CNTN5: variants seen among roughly 807,000 people sequenced by gnomAD.
The protein encoded by CNTN5 is contactin 5.
In CNTN5, 77 loss-of-function variants were observed where a neutral mutation model predicts 129.1. That is an observed-to-expected ratio of 0.60 (90% CI 0.50 to 0.72). CNTN5 has a LOEUF of 0.72. Ranked by LOEUF, CNTN5 falls within the 30% of genes least tolerant of loss-of-function variation. The pLI is 0.00. For synonymous variants in CNTN5, 509 were observed against 465.6 expected (o/e 1.09, Z -1.20); for missense variants, 1,478 against 1,328.8 (o/e 1.11, Z -1.75).
intron 3 of CNTN5, among the ~76,000 whole-genome samples, chr11:99,616,595 T>C (rs1950767251): frequency 6.6e-6 from 1 of 152,186 alleles, no homozygotes; most frequent in South Asian, 2.1e-4. Flanking sequence ...GATAATAGGC[T>C]ATTATATAGC....
chr11:99,556,255 C>A lies in CNTN5; in HGVS notation c.41C>A (p.Thr14Asn). Residue 14 changes from threonine to asparagine, a missense_variant, in exon 3 of 25, where the codon ACC (threonine) becomes AAC (asparagine). By Grantham distance (65) the Thr-to-Asn change is moderately conservative. Transcript: ENST00000524871. ...AAACTAATGCTGTTTCTGTCAGTCA[C>A]CATGTGTCTTTCAGGTAAAAGTCCT... ...SWKLMLFLSV[T>N]MCLSEYSKSL... 1.3e-6 allele frequency: 2 copies of A among 1,525,844 alleles called. No homozygotes were observed. The highest frequency in any genetic ancestry group is 1.8e-6 in the Non-Finnish European group (2 of 1,130,206). The allele number at this position is 1,525,844 out of a possible 1,614,324, so 94.5% of individuals were successfully genotyped here.
chr11:99,125,037 TA>T (rs888442014), intron 1 of CNTN5, among the ~76,000 whole-genome samples: 26 of 151,116 alleles, frequency 1.7e-4, no homozygotes, highest in African/African-American at 6.3e-4. Context: ...TAGAGATGTA[TA>T]AAAAAAAGCT....
chr11:99,528,360 G>C (rs1036303992), intron 2 of CNTN5, among the ~76,000 whole-genome samples: 1 of 152,178 alleles, frequency 6.6e-6, no homozygotes, highest in South Asian at 2.1e-4. Context: ...TTACGAGCAC[G>C]TGAATTGTAT....
At chr11:100,206,852 T>C (rs373018374) in intron 15 of CNTN5, among the ~76,000 whole-genome samples, 1 of 152,050 alleles carries the variant, frequency 6.6e-6, no homozygotes, top group South Asian at 2.1e-4. Context: ...GCCTGGCAGA[T>C]ATATTTGCTA....
rs556433685 is a variant in CNTN5, at chr11:99,734,840, C to T, written c.56-84704C>T. 6.6e-5 allele frequency among the ~76,000 whole-genome samples: 10 copies of T among 152,176 alleles called. No homozygotes were observed. The South Asian group carries it at 1.2e-3, about 19-fold the overall frequency. On this transcript the variant is annotated intron_variant, in intron 3 of 24. Coordinates refer to ENST00000524871, the MANE Select transcript of CNTN5 (RefSeq NM_014361.4). ...TGGGTAACCCCGTGAAACCCCGTCT[C>T]TACTAAAAATACAAAAAATTAGCCC...
At chr11:99,937,344 T>C (rs1950337375) in intron 7 of CNTN5, among the ~76,000 whole-genome samples, 1 of 152,124 alleles carries the variant, frequency 6.6e-6, no homozygotes, top group Admixed American at 6.5e-5. Context: ...TCTTACACAT[T>C]GCAAAAAGGC....
intron 2 of CNTN5, among the ~76,000 whole-genome samples, chr11:99,346,531 C>A (rs895591662): frequency 2.6e-5 from 4 of 152,172 alleles, no homozygotes; most frequent in Admixed American, 6.5e-5. Flanking sequence ...GGTGTCAGCT[C>A]TCCCACAAGG....
chr11:99,780,717 T>A lies in CNTN5; in HGVS notation c.56-38827T>A, dbSNP rs186094380. On this transcript the variant is annotated intron_variant, in intron 3 of 24. Coordinates refer to ENST00000524871, the MANE Select transcript of CNTN5 (RefSeq NM_014361.4). ...TACTTCAAAGTGTTTAATCCTTACC[T>A]TCAAATCTAGAGTAAAATTACGCTT... is the stretch of plus-strand genomic sequence containing the variant. Among the ~76,000 whole-genome samples the A allele has an allele frequency of 1.7e-3, 263 of 152,226 alleles. 1 individual carries two copies. Among genetic ancestry groups the A allele is most frequent in the African/African-American group, 6.1e-3 (253 of 41,578 alleles).
intron 3 of CNTN5, among the ~76,000 whole-genome samples, chr11:99,719,351 G>C (rs1427067474): frequency 6.6e-6 from 1 of 151,722 alleles, no homozygotes; most frequent in East Asian, 2.0e-4. Context: ...TAACATAATA[G>C]AGGATCTTAT....
intron 16 of CNTN5, among the ~76,000 whole-genome samples, chr11:100,244,627 C>A (rs1949806921): frequency 6.6e-6 from 1 of 152,094 alleles, no homozygotes; most frequent in Non-Finnish European, 1.5e-5. Context: ...GATGTTTTTG[C>A]TCTAAAATTC....
intron 21 of CNTN5, among the ~76,000 whole-genome samples, chr11:100,339,027 GA>G (rs2139008837): frequency 6.6e-6 from 1 of 151,814 alleles, no homozygotes; most frequent in South Asian, 2.1e-4. Context: ...CAACTGACAG[GA>G]GCAAGCTCTG....
chr11:100,307,780 A>AAAT (rs200569531), intron 20 of CNTN5, among the ~76,000 whole-genome samples: 1 of 151,676 alleles, frequency 6.6e-6, no homozygotes, highest in African/African-American at 2.4e-5. Context: ...ATAAAAAATA[A>AAAT]AATAATAATA....
At chr11:99,970,665 A>T (rs923029373) in intron 8 of CNTN5, among the ~76,000 whole-genome samples, 5 of 152,288 alleles carry the variant, frequency 3.3e-5, no homozygotes, top group Non-Finnish European at 7.4e-5. Context: ...TTACTTGTGC[A>T]TGTGTTGCGG....
intron 15 of CNTN5, among the ~76,000 whole-genome samples, chr11:100,209,931 T>C (rs529030477): frequency 2.6e-5 from 4 of 152,194 alleles, no homozygotes; most frequent in African/African-American, 9.6e-5. Flanking sequence ...GCTTAACTAG[T>C]GGAGAGAATG....
At chr11:100,016,161 C>A (rs960690764) in intron 9 of CNTN5, among the ~76,000 whole-genome samples, 12 of 151,952 alleles carry the variant, frequency 7.9e-5, no homozygotes, top group Non-Finnish European at 5.9e-5. Flanking sequence ...TCTATGTTTA[C>A]CTTTGGAATA....
intron 9 of CNTN5, among the ~76,000 whole-genome samples, chr11:100,056,024 C>G (rs12797915): frequency 0.073 from 10,997 of 151,594 alleles, 494 homozygotes; most frequent in East Asian, 0.19. Context: ...ATCTATCTAT[C>G]ACTTTTGGAA....
intron 3 of CNTN5, among the ~76,000 whole-genome samples, chr11:99,647,268 T>A (rs935337831): frequency 1.3e-5 from 2 of 152,076 alleles, no homozygotes; most frequent in African/African-American, 4.8e-5. Flanking sequence ...GGATATCCAA[T>A]TTTCCCCGAA....
chr11:100,313,119 G>T (rs1385592012), intron 21 of CNTN5, among the ~76,000 whole-genome samples: 1 of 152,014 alleles, frequency 6.6e-6, no homozygotes, highest in African/African-American at 2.4e-5. Context: ...TATTTGAAGT[G>T]CAGTAGAAAG....
chr11:99,355,990 C>G (rs1418128554), intron 2 of CNTN5, among the ~76,000 whole-genome samples: 2 of 151,924 alleles, frequency 1.3e-5, no homozygotes, highest in Non-Finnish European at 2.9e-5. Context: ...CCACACCCAG[C>G]TAATTTTTTG....
Sources: allele counts gnomAD v4.1 joint callset (sites outside exome capture counted in the v4.1 genomes callset), GRCh38; gene constraint gnomAD v4.1.1; transcripts MANE v1.5; gene names NCBI Gene and HGNC (gene_info 2026-07-23, HGNC 2026-07-21).